The following RUFY2 variants were observed in gnomAD, a reference collection of about 807,000 sequenced individuals.
RUFY2 encodes the protein RUN and FYVE domain containing 2, also known as RUN and FYVE domain-containing protein 2.
In RUFY2, 49 loss-of-function variants were observed where a neutral mutation model predicts 94.4. That is an observed-to-expected ratio of 0.52 (90% CI 0.41 to 0.66). The LOEUF (loss-of-function observed/expected upper bound fraction) is 0.66. RUFY2 is among the 30% of genes least tolerant of loss of function. The pLI, the probability that RUFY2 is intolerant of heterozygous loss-of-function variation, is 0.00. For missense variants in RUFY2, 541 were observed against 692.8 expected, an observed-to-expected ratio of 0.78 and a Z score of 2.46; for synonymous variants, 255 against 235.7, an observed-to-expected ratio of 1.08 and a Z score of -0.75.
In RUFY2 at chr10:68,386,170, A is replaced by G. The variant is rs1486522920; in HGVS notation, c.651-42T>C. The G allele has an allele frequency of 5.9e-6, 9 of 1,533,292 alleles. No individual in the cohort carries two copies. The South Asian group carries it at 1.0e-4, about 18-fold the overall frequency. 95.0% of individuals were successfully genotyped at this position (1,533,292 alleles called of 1,614,324 possible). A position where few individuals can be genotyped will look rare whatever the true frequency, so the allele number is the denominator to read the frequency against. ...AAAAAACTCATTCAAAATCACACGA[A>G]CTCAAAAAGGCACGAAAAAATATGT... On this transcript the variant is annotated intron_variant, in intron 7 of 17. Transcript: ENST00000602465.
chr10:68,343,451 CTTAACATCT>C lies in RUFY2; in HGVS notation c.*2308_*2316del, dbSNP rs1296160924. ...TGTTTTATTTTCCCAGGATTACTCTCTTAACATCTTAAAGCAGTAAAAGTATACAGTATT... is the reference window on the plus strand; with the variant it reads ...TGTTTTATTTTCCCAGGATTACTCTCTAAAGCAGTAAAAGTATACAGTATT... On this transcript the variant is annotated 3_prime_UTR_variant, in exon 18 of 18. Transcript: ENST00000602465. The C allele has an allele frequency of 6.6e-6, 1 of 152,506 alleles. No homozygotes were observed. Among genetic ancestry groups the C allele is most frequent in the Non-Finnish European group, 1.5e-5 (1 of 67,996 alleles). The allele number at this position is 152,506 out of a possible 1,614,324, so 9.4% of individuals were successfully genotyped here. A position where few individuals can be genotyped will look rare whatever the true frequency, so the allele number is the denominator to read the frequency against.
Position 68,344,233 on chromosome 10 carries a change from A to G in RUFY2, c.*1535T>C, listed in dbSNP as rs1436476525. ...TTTCATACTTAGGCTATTCAGAAAA[A>G]TTTAAATTTCATGGAAGCATATATT... On this transcript the variant is annotated 3_prime_UTR_variant, in exon 18 of 18. Coordinates refer to ENST00000602465, the MANE Select transcript of RUFY2 (RefSeq NM_001330103.2). 6.6e-6 allele frequency: 1 copy of G among 152,188 alleles called. No individual in the cohort carries two copies. The highest frequency in any genetic ancestry group is 1.5e-5 in the Non-Finnish European group (1 of 68,040). 9.4% of individuals were successfully genotyped at this position (152,188 alleles called of 1,614,324 possible).
intron 12 of RUFY2, chr10:68,377,612 CCATTT>C: frequency 1.0e-6 from 1 of 985,338 alleles, no homozygotes; most frequent in Admixed American, 6.1e-5. Flanking sequence ...TTGTTCCTCA[CCATTT>C]AATATTAAAA....
intron 15 of RUFY2, among the ~76,000 whole-genome samples, chr10:68,358,747 C>T (rs2047225147): frequency 6.6e-6 from 1 of 151,940 alleles, no homozygotes; most frequent in Non-Finnish European, 1.5e-5. Context: ...CCTGTCTCTA[C>T]TAAAAATACA....
chr10:68,345,600 G>A lies in RUFY2; in HGVS notation c.*168C>T, dbSNP rs577857689. ...AAAATACATTTTGAAAAACAATGGG[G>A]AAGGAAATATATAACTTGTAATTTC... On this transcript the variant is annotated 3_prime_UTR_variant, in exon 18 of 18. Coordinates refer to ENST00000602465, the MANE Select transcript of RUFY2 (RefSeq NM_001330103.2). The A allele has an allele frequency of 7.0e-5, 38 of 546,140 alleles. No homozygotes were observed. Among genetic ancestry groups the A allele is most frequent in the African/African-American group, 6.8e-4 (35 of 51,490 alleles). The allele number at this position is 546,140 out of a possible 1,614,324, so 33.8% of individuals were successfully genotyped here.
At chr10:68,380,108 CTT>C (rs554527515) in intron 11 of RUFY2, among the ~76,000 whole-genome samples, 12 of 141,634 alleles carry the variant, frequency 8.5e-5, no homozygotes, top group Admixed American at 7.1e-5. Flanking sequence ...GCACACGGCC[CTT>C]TTTTTTTTTT....
chr10:68,377,196 T>C (rs1448640162), intron 12 of RUFY2: 3 of 1,378,692 alleles, frequency 2.2e-6, no homozygotes, highest in African/African-American at 2.9e-5. Context: ...CCCAGAATAC[T>C]ATCTTCAAAT....
chr10:68,342,101 C>T (rs1425517089), downstream of RUFY2: 1 of 1,313,078 alleles, frequency 7.6e-7, no homozygotes, highest in African/African-American at 1.5e-5. Context: ...ATCTGGTCTA[C>T]TAGACTTTCT....
downstream of RUFY2, chr10:68,341,430 A>G: frequency 1.8e-6 from 2 of 1,135,242 alleles, no homozygotes; most frequent in East Asian, 2.4e-5. Flanking sequence ...TGACCTCTAT[A>G]ATGGCTTTCT....
At chr10:68,341,542 A>G (rs1383638858), downstream of RUFY2, 22 of 1,333,912 alleles carry the variant, frequency 1.6e-5, no homozygotes, top group Non-Finnish European at 1.8e-5. Flanking sequence ...AATTTTATCC[A>G]TCATTCCTTT....
chr10:68,401,219 GCTTAT>G (rs1388508763), intron 3 of RUFY2, among the ~76,000 whole-genome samples: 1 of 152,150 alleles, frequency 6.6e-6, no homozygotes, highest in Non-Finnish European at 1.5e-5. Context: ...TATACAACTG[GCTTAT>G]CTGAGAACTG....
chr10:68,377,264 T>G (rs567584824), intron 12 of RUFY2: 1 of 1,225,536 alleles, frequency 8.2e-7, no homozygotes, highest in East Asian at 5.0e-5. Flanking sequence ...TTACCACTTA[T>G]GCAGAGCATA....
At chr10:68,356,481 G>A (rs1285313702) in intron 15 of RUFY2, among the ~76,000 whole-genome samples, 1 of 152,034 alleles carries the variant, frequency 6.6e-6, no homozygotes, top group African/African-American at 2.4e-5. Flanking sequence ...ACTCCAGCCT[G>A]GGTGACAGCG....
At chr10:68,392,454 T>C (rs1242494171) in intron 7 of RUFY2, among the ~76,000 whole-genome samples, 1 of 152,118 alleles carries the variant, frequency 6.6e-6, no homozygotes, top group African/African-American at 2.4e-5. Context: ...AAAGCAAAAA[T>C]TTCCACCACA....
At chr10:68,400,962 G>A (rs190154969) in intron 3 of RUFY2, among the ~76,000 whole-genome samples, 14,251 of 152,122 alleles carry the variant, frequency 0.094, 1,001 homozygotes, top group South Asian at 0.24. Context: ...GCAGTGAGCC[G>A]AGATCGTGCC....
At chr10:68,370,836 TA>T (rs199870180) in intron 13 of RUFY2, among the ~76,000 whole-genome samples, 15 of 146,120 alleles carry the variant, frequency 1.0e-4, no homozygotes, top group Non-Finnish European at 9.1e-5. Flanking sequence ...GTGGGACTAC[TA>T]AAAAAAAAAG....
intron 11 of RUFY2, among the ~76,000 whole-genome samples, chr10:68,380,336 C>T (rs2048966290): frequency 2.6e-5 from 4 of 151,032 alleles, no homozygotes; most frequent in Admixed American, 6.6e-5. Context: ...GTGGGAGGAT[C>T]GCTTGAGACC....
At chr10:68,397,222 T>C (rs988848809) in intron 3 of RUFY2, among the ~76,000 whole-genome samples, 8 of 152,220 alleles carry the variant, frequency 5.3e-5, no homozygotes, top group East Asian at 1.9e-4. Flanking sequence ...CTATGCTATA[T>C]AGTATACCCT....
In RUFY2 at chr10:68,343,571, A is replaced by G. The variant is rs2046095970; in HGVS notation, c.*2197T>C. ...AAAATTCACATTTTATTTTTTAAAC[A>G]TTATAGGTTAGAAGAATTACAATTG... is the stretch of plus-strand genomic sequence containing the variant. On this transcript the variant is annotated 3_prime_UTR_variant, in exon 18 of 18. Transcript: ENST00000602465. 6.6e-6 allele frequency: 1 copy of G among 152,586 alleles called. No individual in the cohort carries two copies. The highest frequency in any genetic ancestry group is 6.5e-5 in the Admixed American group (1 of 15,280). 9.5% of individuals were successfully genotyped at this position (152,586 alleles called of 1,614,324 possible). A position where few individuals can be genotyped will look rare whatever the true frequency, so the allele number is the denominator to read the frequency against.
Sources: allele counts gnomAD v4.1 joint callset (sites outside exome capture counted in the v4.1 genomes callset), GRCh38; gene constraint gnomAD v4.1.1; transcripts MANE v1.5; gene names NCBI Gene and HGNC (gene_info 2026-07-23, HGNC 2026-07-21).